The following TEKT1 variants were observed in gnomAD, a reference collection of about 807,000 sequenced individuals.
TEKT1 encodes tektin-1.
Under a neutral mutation model 34.8 loss-of-function variants are expected in TEKT1, and 32 were observed. That is an observed-to-expected ratio of 0.92 (90% CI 0.69 to 1.23). The LOEUF is 1.23. TEKT1 is among the 50% of genes most tolerant of loss of function. TEKT1 has a pLI of 0.00. For synonymous variants in TEKT1, 207 were observed against 199.8 expected, an observed-to-expected ratio of 1.04 and a Z score of -0.30; for missense variants, 492 against 518.5, an observed-to-expected ratio of 0.95 and a Z score of 0.50.
intron 1 of TEKT1, among the ~76,000 whole-genome samples, chr17:6,831,026 A>AGG (rs1567683510): frequency 7.3e-5 from 11 of 149,878 alleles, no homozygotes; most frequent in South Asian, 2.1e-4. Flanking sequence ...GAGGAAGAAG[A>AGG]AGGAGGAGGA....
chr17:6,816,328 C>T (rs150976063), intron 3 of TEKT1, among the ~76,000 whole-genome samples: 69 of 152,126 alleles, frequency 4.5e-4, no homozygotes, highest in Non-Finnish European at 8.5e-4. Flanking sequence ...GTTTGCTGCA[C>T]CCATCAACTC....
chr17:6,829,269 G>A (rs1003709415), intron 2 of TEKT1, among the ~76,000 whole-genome samples: 6 of 151,862 alleles, frequency 4.0e-5, no homozygotes, highest in East Asian at 1.9e-4. Context: ...CATCTACTCC[G>A]CCCCGTCTTT....
At position 6,800,856 on chromosome 17, in the gene TEKT1, G is replaced by C. The variant is rs766128597; in HGVS notation, c.940C>G (p.His314Asp). 9.3e-6 allele frequency: 15 copies of C among 1,614,148 alleles called. No homozygotes were observed. Among genetic ancestry groups the C allele is most frequent in the Non-Finnish European group, 1.3e-5 (15 of 1,180,024 alleles). ...LDQEGPAKVA[H>D]TRLETRTHRP... ...TGTGTCCTGGTCTCCAAGCGCGTATGAGCCACCTTGGCTGGCCCTTCTTGG... is the reference window on the plus strand; with the variant it reads ...TGTGTCCTGGTCTCCAAGCGCGTATCAGCCACCTTGGCTGGCCCTTCTTGG... Residue 314 changes from histidine to aspartate, a missense_variant, in exon 7 of 8, where the codon CAT (histidine) becomes GAT (aspartate). By Grantham distance (81) the His-to-Asp change is moderately conservative (BLOSUM62 -1). Transcript: ENST00000338694.
At position 6,824,578 on chromosome 17, in the gene TEKT1, T is replaced by C. The variant is rs79573758; in HGVS notation, c.191-5220A>G. On this transcript the variant is annotated intron_variant, in intron 2 of 7. Coordinates refer to ENST00000338694, the MANE Select transcript of TEKT1 (RefSeq NM_053285.2). ...CATACATATTATCGAGCACCTTTTCTCTCCATCTTTACTGCCATTGCCTTC... is the reference window on the plus strand; with the variant it reads ...CATACATATTATCGAGCACCTTTTCCCTCCATCTTTACTGCCATTGCCTTC... 9.7e-3 allele frequency among the ~76,000 whole-genome samples: 1,481 copies of C among 152,324 alleles called. 26 individuals are homozygous for C. The highest frequency in any genetic ancestry group is 0.033 in the African/African-American group (1,358 of 41,562).
rs115660190 is a variant in TEKT1, at chr17:6,818,913, C to A, written c.356+280G>T. Among the ~76,000 whole-genome samples, 879 of 152,294 alleles carry A rather than the reference C, an allele frequency of 5.8e-3. 7 individuals carry two copies. The highest frequency in any genetic ancestry group is 0.017 in the Middle Eastern group (5 of 294). ...ATGTAAGAGAGAAAGAAATCGTTTT[C>A]TTTAAATTCAATATTATTTTAAAGT... On this transcript the variant is annotated intron_variant, in intron 3 of 7. Coordinates refer to ENST00000338694, the MANE Select transcript of TEKT1 (RefSeq NM_053285.2).
Position 6,811,730 on chromosome 17 carries a change from G to A in TEKT1, c.852+1101C>T, listed in dbSNP as rs897041511. On this transcript the variant is annotated intron_variant, in intron 6 of 7. Transcript: ENST00000338694. This position sits in a 1 kb window ranked among gnomAD's most constrained non-coding sequence, Gnocchi z 4.4. ...AGAAGGCCTGGGCTCCACTCCCACC[G>A]TGCCGCCTTGGGGCCCTTCCCCTCT... Among the ~76,000 whole-genome samples, 5 of 152,126 alleles carry A rather than the reference G, an allele frequency of 3.3e-5. No individual in the cohort carries two copies. The highest frequency in any genetic ancestry group is 1.5e-5 in the Non-Finnish European group (1 of 68,022).
chr17:6,824,143 C>T lies in TEKT1; in HGVS notation c.191-4785G>A, dbSNP rs1180917925. ...AGCCAAAACCTCATCTTTTGGCTTTCATAACCTTGGTCTCATCTGTTTATT... is the reference window on the plus strand; with the variant it reads ...AGCCAAAACCTCATCTTTTGGCTTTTATAACCTTGGTCTCATCTGTTTATT... On this transcript the variant is annotated intron_variant, in intron 2 of 7. Coordinates refer to ENST00000338694, the MANE Select transcript of TEKT1 (RefSeq NM_053285.2). Among the ~76,000 whole-genome samples, 3 of 152,122 alleles carry T rather than the reference C, an allele frequency of 2.0e-5. No homozygotes were observed. In the East Asian group the frequency reaches 5.8e-4, roughly 29 times the overall value.
At chr17:6,824,102 G>A (rs977208748) in intron 2 of TEKT1, among the ~76,000 whole-genome samples, 6 of 152,226 alleles carry the variant, frequency 3.9e-5, no homozygotes, top group South Asian at 2.1e-4. Context: ...GATTACAGGC[G>A]TGAGCCACTG....
intron 6 of TEKT1, among the ~76,000 whole-genome samples, chr17:6,808,529 A>G (rs1279093876): frequency 6.6e-6 from 1 of 152,116 alleles, no homozygotes; most frequent in African/African-American, 2.4e-5. Flanking sequence ...TCAGTTGGAA[A>G]CGCAGAAATC....
chr17:6,820,107 T>C (rs951814354), intron 2 of TEKT1, among the ~76,000 whole-genome samples: 1 of 152,208 alleles, frequency 6.6e-6, no homozygotes, highest in Admixed American at 6.5e-5. Flanking sequence ...CACAACATAC[T>C]TCCGTCTCCC....
chr17:6,804,134 A>C (rs1009531260), intron 6 of TEKT1, among the ~76,000 whole-genome samples: 7 of 151,902 alleles, frequency 4.6e-5, no homozygotes, highest in East Asian at 1.9e-4. Context: ...CTTTTATTTC[A>C]TTGAGCAGTG....
chr17:6,813,074 T>A, intron 5 of TEKT1, 21 bp from the exon 6 acceptor site: 1 of 1,598,410 alleles, frequency 6.3e-7, no homozygotes, highest in Non-Finnish European at 8.6e-7. Flanking sequence ...CCTCACGCTT[T>A]CATTCACAGC....
At chr17:6,819,094 G>A in intron 3 of TEKT1, 99 bp downstream of exon 3, 4 of 1,400,030 alleles carry the variant, frequency 2.9e-6, no homozygotes, top group Non-Finnish European at 3.9e-6. Flanking sequence ...ACCTGCTCAA[G>A]TGCTGTGTTC....
intron 3 of TEKT1, among the ~76,000 whole-genome samples, chr17:6,816,693 C>T (rs989309320): frequency 4.6e-5 from 7 of 152,270 alleles, no homozygotes; most frequent in African/African-American, 1.4e-4. Flanking sequence ...AATAAACAAA[C>T]GTGTGCATAT....
rs78082301 is a variant in TEKT1, at chr17:6,826,617, C to CAGATAGAT, written c.190+3562_190+3569dup. 4.3e-3 allele frequency among the ~76,000 whole-genome samples: 621 copies of CAGATAGAT among 145,988 alleles called. 1 individual carries two copies. The highest frequency in any genetic ancestry group is 6.8e-3 in the Middle Eastern group (2 of 294). ...TAGATATGCACTCCACTTAGATTTG[C>CAGATAGAT]AGATAGATAGATAGATAGATAGATA... On this transcript the variant is annotated intron_variant, in intron 2 of 7. Transcript: ENST00000338694.
chr17:6,800,756 T>C lies in TEKT1; in HGVS notation c.1040A>G (p.Asn347Ser), dbSNP rs748545916. 1.2e-6 allele frequency: 2 copies of C among 1,611,952 alleles called. No homozygotes were observed. The highest frequency in any genetic ancestry group is 1.1e-5 in the South Asian group (1 of 90,742). Residue 347 changes from asparagine to serine, a missense_variant, in exon 7 of 8, where the codon AAT (asparagine) becomes AGT (serine). Physicochemically the swap from Asn to Ser is conservative, Grantham distance 46. Transcript: ENST00000338694. ...LMKEVQEITHNVARLKETLAQ... is the reference protein window; with the variant it reads ...LMKEVQEITHSVARLKETLAQ... ...CTGGCTGCTAGCCTACCTTGCGACA[T>C]TGTGGGTGATCTCTTGAACCTCCTT...
At chr17:6,819,419 T>A in intron 2 of TEKT1, 61 bp from the exon 3 acceptor site, 1 of 1,515,012 alleles carries the variant, frequency 6.6e-7, no homozygotes, top group East Asian at 2.3e-5. Context: ...AACATTTGAA[T>A]TAGAAACTTG....
At chr17:6,814,314 G>A (rs1172212368) in intron 5 of TEKT1, among the ~76,000 whole-genome samples, 1 of 152,172 alleles carries the variant, frequency 6.6e-6, no homozygotes. Flanking sequence ...TCAAACTTGT[G>A]CACTTTTCTA....
intron 6 of TEKT1, among the ~76,000 whole-genome samples, chr17:6,812,612 A>G (rs907258254): frequency 6.6e-6 from 1 of 152,180 alleles, no homozygotes; most frequent in Non-Finnish European, 1.5e-5. Context: ...TGCAGCAGTG[A>G]GTGACAATGG....
Sources: allele counts gnomAD v4.1 joint callset (sites outside exome capture counted in the v4.1 genomes callset), GRCh38; gene constraint gnomAD v4.1.1; non-coding constraint Gnocchi (gnomAD v3.1); transcripts MANE v1.5; gene names NCBI Gene and HGNC (gene_info 2026-07-23, HGNC 2026-07-21).